RNF13: variants seen among roughly 807,000 people sequenced by gnomAD.
RNF13 encodes the protein E3 ubiquitin-protein ligase RNF13.
RNF13 carries 19 observed loss-of-function variants against 37.7 expected under a neutral mutation model. The observed-to-expected ratio is 0.50, with a 90% CI of 0.35 to 0.74. The LOEUF is 0.74. RNF13 is among the 30% of genes least tolerant of loss of function. RNF13 has a pLI of 0.01. For synonymous variants in RNF13, 144 were observed against 157.8 expected (o/e 0.91, Z 0.65); for missense variants, 375 against 453.0 (o/e 0.83, Z 1.56).
intron 4 of RNF13, among the ~76,000 whole-genome samples, chr3:149,878,946 A>C (rs549605351): frequency 6.6e-6 from 1 of 152,264 alleles, no homozygotes; most frequent in Admixed American, 6.5e-5. Flanking sequence ...AAAGGTTTAG[A>C]AGCAGAGTTA....
chr3:149,942,482 CTGTTT>C (rs1720373596), intron 8 of RNF13, among the ~76,000 whole-genome samples: 8 of 151,762 alleles, frequency 5.3e-5, no homozygotes, highest in Admixed American at 2.0e-4. Flanking sequence ...TCTTAATTTC[CTGTTT>C]TGTTTTGTTT....
At chr3:149,874,374 T>A (rs761475576) in intron 4 of RNF13, among the ~76,000 whole-genome samples, 1 of 152,142 alleles carries the variant, frequency 6.6e-6, no homozygotes, top group Non-Finnish European at 1.5e-5. Context: ...AGCAGTATGA[T>A]CTTGGACAAG....
At chr3:149,885,340 C>G (rs1043159009) in intron 4 of RNF13, among the ~76,000 whole-genome samples, 2 of 152,154 alleles carry the variant, frequency 1.3e-5, no homozygotes, top group African/African-American at 4.8e-5. Context: ...AATTTACATT[C>G]CTACCAACAG....
At chr3:149,891,344 A>G (rs1714677406) in intron 4 of RNF13, among the ~76,000 whole-genome samples, 1 of 152,224 alleles carries the variant, frequency 6.6e-6, no homozygotes, top group African/African-American at 2.4e-5. Context: ...AATCATCTCT[A>G]TTATAAGGCA....
chr3:149,843,881 A>C (rs1043880100), intron 1 of RNF13, among the ~76,000 whole-genome samples: 14 of 152,240 alleles, frequency 9.2e-5, no homozygotes, highest in Non-Finnish European at 2.1e-4. Context: ...GGATTAAGTG[A>C]GTTAACTCAA....
chr3:149,871,887 G>T, intron 3 of RNF13, 142 bp from the exon 4 acceptor site: 1 of 513,788 alleles, frequency 1.9e-6, no homozygotes, highest in Non-Finnish European at 3.2e-6. Context: ...TAGAAGTTCC[G>T]TGATTGTGAG....
intron 3 of RNF13, among the ~76,000 whole-genome samples, chr3:149,858,097 C>T (rs1228971927): frequency 6.6e-6 from 1 of 152,170 alleles, no homozygotes; most frequent in African/African-American, 2.4e-5. Flanking sequence ...TCACATATGC[C>T]CACTTCTCCT....
intron 8 of RNF13, among the ~76,000 whole-genome samples, chr3:149,958,495 G>A (rs1722075968): frequency 6.6e-6 from 1 of 152,154 alleles, no homozygotes; most frequent in African/African-American, 2.4e-5. Context: ...AGCTCACATG[G>A]ATAATACAGG....
intron 6 of RNF13, among the ~76,000 whole-genome samples, chr3:149,906,536 T>G (rs1439759503): frequency 6.6e-6 from 1 of 152,128 alleles, no homozygotes; most frequent in Non-Finnish European, 1.5e-5. Flanking sequence ...TGATAAGATT[T>G]TTATTGAGAT....
At chr3:149,864,812 T>A (rs1724636473) in intron 3 of RNF13, among the ~76,000 whole-genome samples, 1 of 152,212 alleles carries the variant, frequency 6.6e-6, no homozygotes, top group Non-Finnish European at 1.5e-5. Context: ...TTCCCTTTGC[T>A]TAAATCTCTC....
At chr3:149,845,493 CAA>C (rs1722556447) in intron 1 of RNF13, among the ~76,000 whole-genome samples, 1 of 152,068 alleles carries the variant, frequency 6.6e-6, no homozygotes, top group South Asian at 2.1e-4. Context: ...AGGTAATGGA[CAA>C]AAAGTATTCC....
chr3:149,843,221 A>C (rs1308308887), intron 1 of RNF13, among the ~76,000 whole-genome samples: 1 of 152,230 alleles, frequency 6.6e-6, no homozygotes. Context: ...ATTTGGGTGG[A>C]CATGTGTAGA....
chr3:149,895,598 C>T (rs760389330), intron 5 of RNF13, 38 bp downstream of exon 5: 1 of 1,302,612 alleles, frequency 7.7e-7, no homozygotes, highest in South Asian at 1.3e-5. Context: ...TCCTGTTTGA[C>T]AGATCATTTG....
chr3:149,828,360 A>G (rs532468138), intron 1 of RNF13, among the ~76,000 whole-genome samples: 2 of 152,372 alleles, frequency 1.3e-5, no homozygotes, highest in South Asian at 4.1e-4. Context: ...TGTTGGCTAC[A>G]GTGATGGTGA....
chr3:149,818,632 G>T (rs1317878767), intron 1 of RNF13, among the ~76,000 whole-genome samples: 1 of 152,168 alleles, frequency 6.6e-6, no homozygotes, highest in Non-Finnish European at 1.5e-5. Flanking sequence ...AGAGAATCCG[G>T]CTGGGCACTG....
intron 8 of RNF13, among the ~76,000 whole-genome samples, chr3:149,935,616 A>G (rs1001377294): frequency 3.3e-5 from 5 of 152,194 alleles, no homozygotes; most frequent in African/African-American, 9.6e-5. Context: ...TTCTGAATAT[A>G]TGAGAACTCA....
At chr3:149,826,336 TAG>T (rs1418727407) in intron 1 of RNF13, among the ~76,000 whole-genome samples, 2 of 152,216 alleles carry the variant, frequency 1.3e-5, no homozygotes, top group African/African-American at 2.4e-5. Context: ...TAGTGTAGGA[TAG>T]AGTCTTTTGA....
At chr3:149,832,633 T>A (rs12490384) in intron 1 of RNF13, among the ~76,000 whole-genome samples, 5,215 of 152,124 alleles carry the variant, frequency 0.034, 236 homozygotes, top group East Asian at 0.23. Flanking sequence ...AATTAACAAA[T>A]CTTTCATTAT....
intron 8 of RNF13, among the ~76,000 whole-genome samples, chr3:149,950,874 G>A (rs1721260262): frequency 6.6e-6 from 1 of 152,122 alleles, no homozygotes. Context: ...ATGGCTGGCG[G>A]GAGCTGGAGT....
Sources: allele counts gnomAD v4.1 joint callset (sites outside exome capture counted in the v4.1 genomes callset), GRCh38; gene constraint gnomAD v4.1.1; transcripts MANE v1.5; gene names NCBI Gene and HGNC (gene_info 2026-07-23, HGNC 2026-07-21).